Variants in ANK3 observed in about 807,000 individuals in gnomAD.
ANK3 encodes ankyrin-3.
ANK3 carries 57 observed loss-of-function variants against 370.9 expected under a neutral mutation model. That is an observed-to-expected ratio of 0.15 (90% CI 0.12 to 0.19). The LOEUF (loss-of-function observed/expected upper bound fraction) is 0.19. ANK3 is among the 10% of genes least tolerant of loss of function. The probability of loss-of-function intolerance (pLI) is 1.00; values close to 1 mark genes in which losing one functional copy is unlikely to be tolerated. For synonymous variants in ANK3, 1,929 were observed against 1,946.3 expected (o/e 0.99, Z 0.23); for missense variants, 4,439 against 5,302.1 (o/e 0.84, Z 5.06).
chr10:60,712,394 A>G (rs1283484365), intron 1 of ANK3, among the ~76,000 whole-genome samples: 1 of 152,210 alleles, frequency 6.6e-6, no homozygotes, highest in Non-Finnish European at 1.5e-5. Flanking sequence ...CACTTGTATT[A>G]TTCATGTACT....
At chr10:60,657,072 A>G (rs1256557023) in intron 1 of ANK3, among the ~76,000 whole-genome samples, 1 of 152,184 alleles carries the variant, frequency 6.6e-6, no homozygotes, top group Non-Finnish European at 1.5e-5. Context: ...AAGGCCTCAC[A>G]ATCATGGCAG....
chr10:60,357,232 T>C (rs2057902025), intron 1 of ANK3, among the ~76,000 whole-genome samples: 1 of 152,170 alleles, frequency 6.6e-6, no homozygotes, highest in South Asian at 2.1e-4. Flanking sequence ...ACTTCAGCCA[T>C]ACACTGGTGT....
At position 60,493,317 on chromosome 10, in the gene ANK3, G is replaced by A. The variant is rs78211754; in HGVS notation, c.96+121869C>T. Among the ~76,000 whole-genome samples the A allele has an allele frequency of 7.9e-4, 120 of 152,166 alleles. No homozygotes were observed. In the Middle Eastern group the frequency reaches 0.027, roughly 35 times the overall value. ...AGTAAATGTGAAGAAGAAATTGCACGTGGGGAGCAGCATGAGTGGAGATGG... is the reference window on the plus strand; with the variant it reads ...AGTAAATGTGAAGAAGAAATTGCACATGGGGAGCAGCATGAGTGGAGATGG... On this transcript the variant is annotated intron_variant, in intron 2 of 43. Transcript: ENST00000373827.
rs546809483 is a variant in ANK3 at position 60,684,838 on chromosome 10, A to G, written c.57+48425T>C. 459 of 1,507,974 alleles carry G rather than the reference A, an allele frequency of 3.0e-4. 4 individuals carry two copies. The South Asian group carries it at 5.1e-3, about 17-fold the overall frequency. 93.4% of individuals were successfully genotyped at this position (1,507,974 alleles called of 1,614,324 possible). ...TGATATCGAAAGGATGGAAGAAGCC[A>G]AAACTGAACTTCACAAAATAACTAG... is the stretch of plus-strand genomic sequence containing the variant. On this transcript the variant is annotated intron_variant, in intron 1 of 43. Transcript: ENST00000373827.
intron 2 of ANK3, among the ~76,000 whole-genome samples, chr10:60,530,788 G>A (rs2076588516): frequency 1.3e-5 from 2 of 152,128 alleles, no homozygotes; most frequent in African/African-American, 4.8e-5. Flanking sequence ...TAATTTCTCA[G>A]AGCCGGATGC....
intron 2 of ANK3, among the ~76,000 whole-genome samples, chr10:60,582,663 ATATAT>A (rs573241272): frequency 2.2e-4 from 33 of 148,702 alleles, no homozygotes; most frequent in Admixed American, 8.1e-4. Flanking sequence ...TTTTTATATA[ATATAT>A]TATATAAAAT....
intron 7 of ANK3, among the ~76,000 whole-genome samples, chr10:60,247,754 G>A (rs188362529): frequency 4.3e-4 from 65 of 152,168 alleles, no homozygotes; most frequent in African/African-American, 1.5e-3. Context: ...TGCAACCTCC[G>A]CCTCCCGAGT....
chr10:60,259,132 T>C (rs1166161656), intron 7 of ANK3, among the ~76,000 whole-genome samples: 3 of 152,192 alleles, frequency 2.0e-5, no homozygotes, highest in Non-Finnish European at 4.4e-5. Context: ...GAAGCCTCTG[T>C]AATATGAAAG....
intron 1 of ANK3, among the ~76,000 whole-genome samples, chr10:60,315,389 A>C (rs1593566434): frequency 6.6e-6 from 1 of 152,194 alleles, no homozygotes; most frequent in African/African-American, 2.4e-5. Context: ...ACAGTAGATC[A>C]CTGGTTAAAT....
chr10:60,236,950 C>T lies in ANK3; in HGVS notation c.799-2164G>A, dbSNP rs184663331. 5.3e-5 allele frequency among the ~76,000 whole-genome samples: 8 copies of T among 152,302 alleles called. No homozygotes were observed. The East Asian group carries it at 9.6e-4, about 18-fold the overall frequency. ...CATGCAATATGTAAAGAAATGGGAG[C>T]GGTTGTGTTTCTAAAACTTTATTTA... On this transcript the variant is annotated intron_variant, in intron 7 of 43. Transcript: ENST00000280772.
At chr10:60,535,829 T>G (rs1334298981) in intron 2 of ANK3, among the ~76,000 whole-genome samples, 1 of 151,802 alleles carries the variant, frequency 6.6e-6, no homozygotes. Context: ...GGGGAGATGA[T>G]TAGAAAAAAA....
chr10:60,482,389 T>A (rs2075245358), intron 2 of ANK3, among the ~76,000 whole-genome samples: 1 of 152,106 alleles, frequency 6.6e-6, no homozygotes, highest in African/African-American at 2.4e-5. Flanking sequence ...ATTGCCAGTT[T>A]CTCCTTCAGC....
At chr10:60,224,028 G>A (rs1016451250) in intron 8 of ANK3, among the ~76,000 whole-genome samples, 2 of 151,740 alleles carry the variant, frequency 1.3e-5, no homozygotes, top group African/African-American at 4.8e-5. Context: ...CACTTAGAAT[G>A]AGCTGGAGAC....
At chr10:60,048,132 C>T (rs1478445769) in intron 42 of ANK3, among the ~76,000 whole-genome samples, 1 of 152,182 alleles carries the variant, frequency 6.6e-6, no homozygotes, top group African/African-American at 2.4e-5. Flanking sequence ...GCTTAGCATA[C>T]ATACTGCTTC....
intron 8 of ANK3, among the ~76,000 whole-genome samples, chr10:60,226,485 A>AC (rs1365902652): frequency 3.5e-4 from 28 of 80,630 alleles, no homozygotes; most frequent in African/African-American, 2.4e-3. Context: ...TATACTATAT[A>AC]TATACATATA....
At chr10:60,509,956 G>T (rs1271766815) in intron 2 of ANK3, among the ~76,000 whole-genome samples, 1 of 151,952 alleles carries the variant, frequency 6.6e-6, no homozygotes, top group Non-Finnish European at 1.5e-5. Flanking sequence ...TCCCCACATG[G>T]AAGCAGTGTA....
chr10:60,105,865 C>T (rs1365963697), intron 28 of ANK3, 40 bp downstream of exon 28: 34 of 1,539,710 alleles, frequency 2.2e-5, no homozygotes, highest in Non-Finnish European at 2.7e-5. Flanking sequence ...TTAATTTCTG[C>T]CTGCAGACAT....
At chr10:60,214,154 T>C (rs1265427776) in intron 8 of ANK3, among the ~76,000 whole-genome samples, 1 of 152,140 alleles carries the variant, frequency 6.6e-6, no homozygotes, top group Non-Finnish European at 1.5e-5. Context: ...TAAAAATTTC[T>C]CTTTTAATTA....
At chr10:60,299,116 T>C (rs577734587) in intron 1 of ANK3, among the ~76,000 whole-genome samples, 2 of 152,244 alleles carry the variant, frequency 1.3e-5, no homozygotes, top group African/African-American at 4.8e-5. Flanking sequence ...TTATTACGAA[T>C]CTCAAAGATT....
Sources: gnomAD v4.1 joint callset for allele counts (sites outside exome capture counted in the v4.1 genomes callset) on GRCh38, gnomAD v4.1.1 for gene constraint, MANE v1.5 for transcripts, NCBI Gene and HGNC (gene_info 2026-07-23, HGNC 2026-07-21) for gene names.